PHACTR3: variants seen among roughly 807,000 people sequenced by gnomAD.
PHACTR3 encodes the protein phosphatase and actin regulator 3.
PHACTR3 carries 16 observed loss-of-function variants against 66.8 expected under a neutral mutation model. The observed-to-expected ratio is 0.24, with a 90% confidence interval of 0.16 to 0.36. The LOEUF (loss-of-function observed/expected upper bound fraction) is 0.36. PHACTR3 is among the 10% of genes least tolerant of loss of function. The pLI is 1.00. For missense variants in PHACTR3, 647 were observed against 719.9 expected (o/e 0.90, Z 1.16); for synonymous variants, 323 against 292.1 (o/e 1.11, Z -1.08).
At chr20:59,759,415 G>C (rs754820730) in intron 4 of PHACTR3, among the ~76,000 whole-genome samples, 3 of 152,182 alleles carry the variant, frequency 2.0e-5, no homozygotes, top group Non-Finnish European at 2.9e-5. Context: ...TTTCTTTTCA[G>C]TCATCAAAGT....
chr20:59,647,388 A>C (rs987407379), intron 1 of PHACTR3, among the ~76,000 whole-genome samples: 1 of 152,204 alleles, frequency 6.6e-6, no homozygotes, highest in South Asian at 2.1e-4. Context: ...GGGTGGGGAC[A>C]CAGCCAAACC....
intron 3 of PHACTR3, among the ~76,000 whole-genome samples, chr20:59,753,563 CTCG>C (rs955148554): frequency 3.3e-5 from 5 of 152,194 alleles, no homozygotes; most frequent in Admixed American, 3.3e-4. Flanking sequence ...CCCTCCTCTT[CTCG>C]TTGTCAGAAA....
At chr20:59,801,822 T>C (rs911246871) in intron 7 of PHACTR3, among the ~76,000 whole-genome samples, 1 of 152,244 alleles carries the variant, frequency 6.6e-6, no homozygotes. Context: ...GTTGTGACAG[T>C]GCACAAATAG....
intron 1 of PHACTR3, among the ~76,000 whole-genome samples, chr20:59,588,000 A>C (rs1236977278): frequency 1.3e-5 from 2 of 152,150 alleles, no homozygotes; most frequent in African/African-American, 4.8e-5. Flanking sequence ...TCTCCTGATT[A>C]TAACCCTGAT....
chr20:59,745,860 G>C (rs6027078), intron 2 of PHACTR3, among the ~76,000 whole-genome samples: 42,178 of 152,204 alleles, frequency 0.28, 11,645 homozygotes, highest in African/African-American at 0.69. Flanking sequence ...GGAGGGTAGA[G>C]CCTCGCAGCT....
Position 59,840,388 on chromosome 20 carries a change from G to A in PHACTR3, c.1404G>A (p.Glu468=), listed in dbSNP as rs1461078853. 1 of 1,612,550 alleles carries A rather than the reference G, an allele frequency of 6.2e-7. No homozygotes were observed. Among genetic ancestry groups the A allele is most frequent in the Non-Finnish European group, 8.5e-7 (1 of 1,178,940 alleles). Residue 468 remains glutamate (E), a synonymous_variant, in exon 10 of 13, where the codon GAG becomes GAA. Transcript: ENST00000371015. ...NILKQRNDQT[E]QEERREIKQR... ...TCACAGAAAGGAATGATCAGACAGA[G>A]CAGGAAGAAAGAAGAGAAATCAAGC...
intron 1 of PHACTR3, among the ~76,000 whole-genome samples, chr20:59,689,983 G>A (rs754890321): frequency 1.3e-5 from 2 of 152,144 alleles, no homozygotes; most frequent in South Asian, 4.1e-4. Context: ...GTTTCTGCTG[G>A]GCGATGGGAG....
chr20:59,694,258 GGGA>G (rs1214780461), intron 1 of PHACTR3, among the ~76,000 whole-genome samples: 7 of 152,120 alleles, frequency 4.6e-5, no homozygotes, highest in African/African-American at 1.7e-4. Context: ...AGGCTCCTCA[GGGA>G]TCCACAGACC....
intron 1 of PHACTR3, among the ~76,000 whole-genome samples, chr20:59,709,901 G>A (rs1413572664): frequency 3.9e-5 from 6 of 152,228 alleles, no homozygotes; most frequent in East Asian, 3.9e-4. Context: ...CATCTCTGAA[G>A]TGCAGCTTAT....
chr20:59,709,826 G>C (rs934905014), intron 1 of PHACTR3, among the ~76,000 whole-genome samples: 6 of 152,054 alleles, frequency 3.9e-5, no homozygotes, highest in African/African-American at 1.4e-4. Context: ...GGTTGACTCA[G>C]CACTTTCCAT....
chr20:59,770,326 C>T (rs1225702094), intron 5 of PHACTR3, among the ~76,000 whole-genome samples: 1 of 152,166 alleles, frequency 6.6e-6, no homozygotes, highest in African/African-American at 2.4e-5. Context: ...ATTTTGGTGA[C>T]TTTGATTTAA....
At chr20:59,799,129 C>T (rs2041340697) in intron 7 of PHACTR3, among the ~76,000 whole-genome samples, 1 of 151,910 alleles carries the variant, frequency 6.6e-6, no homozygotes, top group South Asian at 2.1e-4. Flanking sequence ...AATTTATTTC[C>T]ACTCTGGTCA....
intron 1 of PHACTR3, among the ~76,000 whole-genome samples, chr20:59,650,381 G>A (rs924564702): frequency 4.6e-5 from 7 of 152,166 alleles, no homozygotes; most frequent in African/African-American, 4.8e-5. Flanking sequence ...GATTGTTCTC[G>A]TTGGGGGGAG....
At chr20:59,815,072 A>T (rs1028724687) in intron 8 of PHACTR3, among the ~76,000 whole-genome samples, 3 of 152,108 alleles carry the variant, frequency 2.0e-5, no homozygotes, top group Non-Finnish European at 4.4e-5. Context: ...CCCAGGCTGG[A>T]CTGGGAAGTT....
chr20:59,640,039 G>A (rs922983649), intron 1 of PHACTR3, among the ~76,000 whole-genome samples: 6 of 152,206 alleles, frequency 3.9e-5, no homozygotes, highest in Admixed American at 2.0e-4. Context: ...GTGCATGCTG[G>A]GGTTGAGGCT....
At chr20:59,716,931 A>G (rs758270266) in intron 1 of PHACTR3, among the ~76,000 whole-genome samples, 2 of 152,198 alleles carry the variant, frequency 1.3e-5, no homozygotes, top group Non-Finnish European at 2.9e-5. Flanking sequence ...GGCTGAATCT[A>G]TCATGCTCCC....
At chr20:59,726,078 C>T (rs1040767566) in intron 1 of PHACTR3, among the ~76,000 whole-genome samples, 4 of 152,236 alleles carry the variant, frequency 2.6e-5, no homozygotes, top group Non-Finnish European at 5.9e-5. Flanking sequence ...ATAGCAGTGC[C>T]TCCAGGGTCG....
chr20:59,649,640 A>G (rs974976260), intron 1 of PHACTR3, among the ~76,000 whole-genome samples: 2 of 152,226 alleles, frequency 1.3e-5, no homozygotes, highest in Non-Finnish European at 2.9e-5. Flanking sequence ...CTTAGATGCC[A>G]ATACAGACTG....
chr20:59,595,761 C>T (rs747137766), intron 1 of PHACTR3, among the ~76,000 whole-genome samples: 13 of 152,106 alleles, frequency 8.5e-5, no homozygotes, highest in Non-Finnish European at 2.9e-5. Flanking sequence ...TGTATTTTGA[C>T]GTCTGTCATT....
Sources: allele counts gnomAD v4.1 joint callset (sites outside exome capture counted in the v4.1 genomes callset), GRCh38; gene constraint gnomAD v4.1.1; transcripts MANE v1.5; gene names NCBI Gene and HGNC (gene_info 2026-07-23, HGNC 2026-07-21).